The following PIK3AP1 variants were observed in gnomAD, a reference collection of about 807,000 sequenced individuals.
PIK3AP1 encodes the protein phosphoinositide-3-kinase adaptor protein 1, also known as phosphoinositide 3-kinase adapter protein 1.
Under a neutral mutation model 88.1 loss-of-function variants are expected in PIK3AP1, and 21 were observed. The observed-to-expected ratio is 0.24, with a 90% CI of 0.17 to 0.34. PIK3AP1 has a LOEUF of 0.34. Among genes scored for constraint, PIK3AP1 ranks in the 10% least tolerant of loss-of-function variants. The pLI is 1.00. For missense variants in PIK3AP1, 828 were observed against 1,035.7 expected (o/e 0.80, Z 2.75); for synonymous variants, 398 against 400.0 (o/e 1.00, Z 0.06).
At chr10:96,662,885 T>A (rs1843709795) in intron 2 of PIK3AP1, among the ~76,000 whole-genome samples, 1 of 22,822 alleles carries the variant, frequency 4.4e-5, no homozygotes, top group Non-Finnish European at 6.5e-5. Flanking sequence ...CGAGACTCCG[T>A]CTCAAAAAAA....
intron 1 of PIK3AP1, among the ~76,000 whole-genome samples, chr10:96,718,812 C>A (rs72824472): frequency 1.3e-5 from 2 of 152,044 alleles, no homozygotes; most frequent in African/African-American, 4.8e-5. Context: ...AAGGAGGAGG[C>A]GGCTTCACTG....
intron 2 of PIK3AP1, among the ~76,000 whole-genome samples, chr10:96,664,024 G>A (rs553460643): frequency 3.9e-5 from 6 of 152,260 alleles, no homozygotes; most frequent in African/African-American, 1.4e-4. Flanking sequence ...AATCTTTCTG[G>A]AAAGCCATGT....
intron 13 of PIK3AP1, among the ~76,000 whole-genome samples, chr10:96,615,050 G>A (rs1849191254): frequency 6.6e-6 from 1 of 152,154 alleles, no homozygotes; most frequent in South Asian, 2.1e-4. Context: ...CCTCTGATGA[G>A]GAGATGCTAC....
chr10:96,616,871 G>C (rs1849223193), intron 12 of PIK3AP1, among the ~76,000 whole-genome samples, 160 bp from the exon 13 acceptor site: 1 of 152,174 alleles, frequency 6.6e-6, no homozygotes, highest in South Asian at 2.1e-4. Context: ...TCAGCCCCCA[G>C]AGAAATCCAA....
At chr10:96,707,170 T>C (rs1844375661) in intron 2 of PIK3AP1, among the ~76,000 whole-genome samples, 2 of 152,222 alleles carry the variant, frequency 1.3e-5, no homozygotes, top group African/African-American at 4.8e-5. Flanking sequence ...ACTACAGTCT[T>C]TGGTAAAAAG....
rs571840725 is a variant in PIK3AP1, at chr10:96,665,897, G to A, written c.431-8963C>T. On this transcript the variant is annotated intron_variant, in intron 2 of 16. Coordinates refer to ENST00000339364, the MANE Select transcript of PIK3AP1 (RefSeq NM_152309.3). ...AGCCCCAAAATAACACAGGGGAGAC[G>A]GAGCAAGACTCCCCACAGATTGGCG... is the stretch of plus-strand genomic sequence containing the variant. Among the ~76,000 whole-genome samples, 34 of 152,224 alleles carry A rather than the reference G, an allele frequency of 2.2e-4. No homozygotes were observed. The South Asian group carries it at 6.8e-3, about 31-fold the overall frequency.
At chr10:96,715,347 C>T (rs890330659) in intron 1 of PIK3AP1, among the ~76,000 whole-genome samples, 1 of 152,054 alleles carries the variant, frequency 6.6e-6, no homozygotes, top group Non-Finnish European at 1.5e-5. Context: ...CCAAATATAA[C>T]GTAGTACCTG....
At chr10:96,644,728 G>T (rs373782431) in intron 8 of PIK3AP1, among the ~76,000 whole-genome samples, 1 of 151,562 alleles carries the variant, frequency 6.6e-6, no homozygotes, top group African/African-American at 2.4e-5. Flanking sequence ...ATTACCCCTC[G>T]CCCCCCAAAA....
chr10:96,669,975 G>C (rs938361787), intron 2 of PIK3AP1, among the ~76,000 whole-genome samples: 6 of 151,934 alleles, frequency 3.9e-5, no homozygotes, highest in Admixed American at 6.6e-5. Flanking sequence ...AGGAGTTCGA[G>C]ACCAGCCTGG....
At position 96,609,820 on chromosome 10, in the gene PIK3AP1, T is replaced by C. The variant is rs1770227427; in HGVS notation, c.2062A>G (p.Lys688Glu). 6.2e-7 allele frequency: 1 copy of C among 1,614,162 alleles called. No homozygotes were observed. The highest frequency in any genetic ancestry group is 8.5e-7 in the Non-Finnish European group (1 of 1,180,010). ...CTCTCATAGACTCCAAACTCCACTT[T>C]TGCAGGCAGGTGCTGTGAGTGCCGA... ...PIRHSQHLPAKVEFGVYESGP... is the reference protein window; with the variant it reads ...PIRHSQHLPAEVEFGVYESGP... Residue 688 changes from lysine to glutamate, a missense_variant, in exon 14 of 17, where the codon AAA (lysine) becomes GAA (glutamate). Lys to Glu is a moderately conservative substitution (Grantham distance 56). Coordinates refer to ENST00000339364, the MANE Select transcript of PIK3AP1 (RefSeq NM_152309.3).
At position 96,626,815 on chromosome 10, in the gene PIK3AP1, G is replaced by T. The variant is rs751974982; in HGVS notation, c.1562C>A (p.Ala521Asp). The T allele has an allele frequency of 5.0e-6, 8 of 1,614,128 alleles. No individual in the cohort carries two copies. Among genetic ancestry groups the T allele is most frequent in the Non-Finnish European group, 6.8e-6 (8 of 1,179,952 alleles). Residue 521 changes from alanine to aspartate, a missense_variant, in exon 10 of 17, where the codon GCC becomes GAC. Physicochemically the swap from Ala to Asp is moderately radical, Grantham distance 126. Coordinates refer to ENST00000339364, the MANE Select transcript of PIK3AP1 (RefSeq NM_152309.3). ...CCTGCTGGCCAGGTCCACAGAAAAG[G>T]CCTCATCGTCATCCACCGTGTGATA... ...DVYHTVDDDE[A>D]FSVDLASRPP...
chr10:96,612,350 G>A (rs563528202), intron 13 of PIK3AP1, among the ~76,000 whole-genome samples: 1 of 152,116 alleles, frequency 6.6e-6, no homozygotes, highest in Non-Finnish European at 1.5e-5. Flanking sequence ...AGAAAAATGG[G>A]CAAGTTATTA....
At chr10:96,604,532 A>G (rs1169189136) in intron 14 of PIK3AP1, among the ~76,000 whole-genome samples, 3 of 151,994 alleles carry the variant, frequency 2.0e-5, no homozygotes, top group Admixed American at 6.6e-5. Flanking sequence ...TTTTTCTTTC[A>G]GCATGAAACA....
chr10:96,702,678 TA>T, intron 2 of PIK3AP1, among the ~76,000 whole-genome samples: 1 of 151,344 alleles, frequency 6.6e-6, no homozygotes, highest in Non-Finnish European at 1.5e-5. Flanking sequence ...ATGTATGTGT[TA>T]ATTAATTTGA....
intron 2 of PIK3AP1, among the ~76,000 whole-genome samples, chr10:96,688,946 C>A (rs768247718): frequency 6.6e-6 from 1 of 151,998 alleles, no homozygotes; most frequent in Non-Finnish European, 1.5e-5. Flanking sequence ...TACATCCAAC[C>A]GACTAAAGAA....
intron 1 of PIK3AP1, among the ~76,000 whole-genome samples, chr10:96,712,466 T>C (rs1388641622): frequency 6.6e-6 from 1 of 152,112 alleles, no homozygotes; most frequent in Non-Finnish European, 1.5e-5. Context: ...TAAAAATAAA[T>C]AAATAAATAA....
intron 13 of PIK3AP1, among the ~76,000 whole-genome samples, chr10:96,615,331 T>A (rs1849197165): frequency 6.6e-6 from 1 of 152,096 alleles, no homozygotes; most frequent in Non-Finnish European, 1.5e-5. Context: ...GGGCGTGGCA[T>A]TATCTGACTT....
chr10:96,649,975 AC>A (rs1242416508), intron 6 of PIK3AP1, among the ~76,000 whole-genome samples: 1 of 152,214 alleles, frequency 6.6e-6, no homozygotes, highest in Non-Finnish European at 1.5e-5. Flanking sequence ...AAGCCCAACA[AC>A]TTTATAGACA....
intron 2 of PIK3AP1, among the ~76,000 whole-genome samples, chr10:96,709,296 G>C (rs1222939036): frequency 1.3e-5 from 2 of 152,070 alleles, no homozygotes; most frequent in African/African-American, 4.8e-5. Flanking sequence ...CTGGAACTCT[G>C]TCCTGTGTCT....
Sources: gnomAD v4.1 joint callset for allele counts (sites outside exome capture counted in the v4.1 genomes callset) on GRCh38, gnomAD v4.1.1 for gene constraint, MANE v1.5 for transcripts, NCBI Gene and HGNC (gene_info 2026-07-23, HGNC 2026-07-21) for gene names.